Variants in CSMD2 observed in about 807,000 individuals in gnomAD.
CSMD2 encodes the protein CUB and sushi domain-containing protein 2.
In CSMD2, 130 loss-of-function variants were observed where a neutral mutation model predicts 398.5. That is an observed-to-expected ratio of 0.33 (90% CI 0.28 to 0.38). CSMD2 has a LOEUF of 0.38. Among genes scored for constraint, CSMD2 ranks in the 10% least tolerant of loss-of-function variants. CSMD2 has a pLI of 1.00. For synonymous variants in CSMD2, 1,828 were observed against 1,908.5 expected (o/e 0.96, Z 1.10); for missense variants, 3,829 against 4,764.9 (o/e 0.80, Z 5.78).
In CSMD2 at chr1:33,700,660, T is replaced by C; in HGVS notation, c.3590A>G (p.Asn1197Ser). 1.2e-6 allele frequency: 2 copies of C among 1,614,206 alleles called. No individual in the cohort carries two copies. The highest frequency in any genetic ancestry group is 8.5e-7 in the Non-Finnish European group (1 of 1,180,032). The part of the protein sequence containing the change: ...EGDVLKVYDG[N>S]NNSARLLGVF... ...TCCCAGCAAACGGGCGGAGTTGTTG[T>C]TGCCATCATAAACCTGGACACAGGA... The change falls in exon 23 of 71, where the codon AAC (asparagine) becomes AGC (serine). Residue 1197 changes from asparagine to serine, a missense_variant. Transcript: ENST00000373381.
rs2148917905 is a variant in CSMD2 at position 33,636,505 on chromosome 1, T to C, written c.4824A>G (p.Thr1608=). ...CCAGCTTCAGGTCGGACCCCACCCG[T>C]GTGCCGTTCTTGATGGAACCAGGAT... The part of the protein sequence containing the change: ...CFDPGSIKNG[T]RVGSDLKLGS... The change falls in exon 30 of 71, where the codon ACA becomes ACG. Residue 1608 remains threonine, a synonymous_variant. Coordinates refer to ENST00000373381, the MANE Select transcript of CSMD2 (RefSeq NM_001281956.2). This position sits in a 1 kb window ranked among gnomAD's most constrained non-coding sequence, Gnocchi z 4.8. 6.2e-7 allele frequency: 1 copy of C among 1,614,142 alleles called. No homozygotes were observed. Among genetic ancestry groups the C allele is most frequent in the Non-Finnish European group, 8.5e-7 (1 of 1,180,016 alleles).
intron 4 of CSMD2, among the ~76,000 whole-genome samples, chr1:33,919,372 G>A (rs1193655498): frequency 6.6e-6 from 1 of 152,212 alleles, no homozygotes; most frequent in Non-Finnish European, 1.5e-5. Context: ...CCAATGGTGA[G>A]ATCAGATTAA....
intron 12 of CSMD2, among the ~76,000 whole-genome samples, chr1:33,787,558 T>C (rs755853888): frequency 3.9e-5 from 6 of 152,204 alleles, no homozygotes; most frequent in Non-Finnish European, 7.4e-5. Context: ...ACTGGCACTG[T>C]CCAGGCAGCT....
rs144768852 is a variant in CSMD2 at position 33,636,682 on chromosome 1, G to A, written c.4775-128C>T. 2.7e-4 allele frequency: 187 copies of A among 692,994 alleles called. 2 individuals are homozygous for A. The highest frequency in any genetic ancestry group is 2.7e-3 in the African/African-American group (149 of 55,748). The allele number at this position is 692,994 out of a possible 1,614,324, so 42.9% of individuals were successfully genotyped here. ...ACAGAGCACACGGGGATGCGTGACTGTGGCTCCTATTCCCCTCAGGTCTAG... is the reference window on the plus strand; with the variant it reads ...ACAGAGCACACGGGGATGCGTGACTATGGCTCCTATTCCCCTCAGGTCTAG... On this transcript the variant is annotated intron_variant, in intron 29 of 70. Transcript: ENST00000373381. This position sits in a 1 kb window ranked among gnomAD's most constrained non-coding sequence, Gnocchi z 4.8.
intron 48 of CSMD2, among the ~76,000 whole-genome samples, chr1:33,579,681 A>T (rs12562510): frequency 3.5e-5 from 5 of 143,120 alleles, no homozygotes; most frequent in Non-Finnish European, 6.2e-5. Flanking sequence ...TTTTTTTTTA[A>T]TTTTTTTTTT....
chr1:33,545,962 TG>T, intron 57 of CSMD2, 74 bp downstream of exon 57: 1 of 1,442,140 alleles, frequency 6.9e-7, no homozygotes, highest in Non-Finnish European at 9.5e-7. Context: ...CGCAGGTGCC[TG>T]GGAATAAGAG....
At chr1:33,797,674 C>T (rs139530193) in intron 10 of CSMD2, among the ~76,000 whole-genome samples, 13 of 151,582 alleles carry the variant, frequency 8.6e-5, no homozygotes, top group Non-Finnish European at 1.5e-4. Flanking sequence ...TTTCTGGGTC[C>T]CAGCAGGGGG....
At chr1:33,669,043 T>C (rs1406245529) in intron 25 of CSMD2, among the ~76,000 whole-genome samples, 1 of 152,266 alleles carries the variant, frequency 6.6e-6, no homozygotes, top group Non-Finnish European at 1.5e-5. Flanking sequence ...TGTACATTGC[T>C]GAATATCCTC....
At position 34,165,118 on chromosome 1, in the gene CSMD2, G is replaced by C; in HGVS notation, c.-21C>G. 1 of 1,214,042 alleles carries C rather than the reference G, an allele frequency of 8.2e-7. No homozygotes were observed. Among genetic ancestry groups the C allele is most frequent in the Non-Finnish European group, 1.0e-6 (1 of 976,366 alleles). 75.2% of individuals were successfully genotyped at this position (1,214,042 alleles called of 1,614,324 possible). ...GGCATGGCGCGGCCGGCAGCGCCGA[G>C]GGAGAGGCTCCGCTCGCCGCCGAGG... On this transcript the variant is annotated 5_prime_UTR_variant, in exon 1 of 71. Coordinates refer to ENST00000373381, the MANE Select transcript of CSMD2 (RefSeq NM_001281956.2).
intron 1 of CSMD2, among the ~76,000 whole-genome samples, chr1:34,149,435 G>A (rs891132030): frequency 3.9e-5 from 6 of 152,114 alleles, no homozygotes; most frequent in Non-Finnish European, 8.8e-5. Context: ...CAACAGGCCC[G>A]AAGAAAACGG....
intron 9 of CSMD2, among the ~76,000 whole-genome samples, chr1:33,814,794 C>T (rs1194073655): frequency 6.6e-6 from 1 of 152,114 alleles, no homozygotes; most frequent in African/African-American, 2.4e-5. Context: ...ATTCCTTCCC[C>T]CACTGCCTGT....
intron 1 of CSMD2, among the ~76,000 whole-genome samples, chr1:34,107,838 G>A (rs1388176463): frequency 6.6e-6 from 1 of 152,152 alleles, no homozygotes; most frequent in Non-Finnish European, 1.5e-5. Flanking sequence ...GCAGAAAGGG[G>A]ACCACATGGG....
At chr1:34,066,563 A>C (rs1655135042) in intron 2 of CSMD2, among the ~76,000 whole-genome samples, 1 of 152,190 alleles carries the variant, frequency 6.6e-6, no homozygotes, top group African/African-American at 2.4e-5. Context: ...GGGAGCTGCT[A>C]AGGCCCTGGG....
intron 5 of CSMD2, among the ~76,000 whole-genome samples, chr1:33,875,848 T>C (rs960421584): frequency 1.3e-5 from 2 of 152,200 alleles, no homozygotes; most frequent in Non-Finnish European, 2.9e-5. Flanking sequence ...TTTTGAATAA[T>C]GTTCTTGTTT....
At chr1:33,707,793 A>C (rs1048378264) in intron 22 of CSMD2, among the ~76,000 whole-genome samples, 3 of 151,742 alleles carry the variant, frequency 2.0e-5, no homozygotes, top group African/African-American at 7.3e-5. Context: ...AAGAGTATCC[A>C]TCATCTGTAC....
At chr1:33,629,074 A>AC (rs1235602474) in intron 32 of CSMD2, among the ~76,000 whole-genome samples, 1 of 152,186 alleles carries the variant, frequency 6.6e-6, no homozygotes, top group South Asian at 2.1e-4. Context: ...TGAAAAAAAA[A>AC]AAAACAAAAC....
intron 15 of CSMD2, among the ~76,000 whole-genome samples, chr1:33,727,126 C>T (rs1022480070): frequency 1.3e-5 from 2 of 152,220 alleles, no homozygotes; most frequent in Non-Finnish European, 2.9e-5. Flanking sequence ...CCCTGCTTCA[C>T]TGTAAACTCC....
intron 3 of CSMD2, among the ~76,000 whole-genome samples, chr1:33,964,730 CT>C (rs1290753447): frequency 1.3e-5 from 2 of 152,090 alleles, no homozygotes; most frequent in Non-Finnish European, 2.9e-5. Flanking sequence ...GAAGTGAGGC[CT>C]TCCTGGCCCT....
chr1:33,918,049 A>G lies in CSMD2; in HGVS notation c.920+45T>C, dbSNP rs547719509. Reference sequence around the variant, plus strand: ...GACTGCAAGCATCCCAGTAATTCACAGTTGCAGAGAATAGGGTAGGAAAGG... The same window carrying G: ...GACTGCAAGCATCCCAGTAATTCACGGTTGCAGAGAATAGGGTAGGAAAGG... On this transcript the variant is annotated intron_variant, in intron 5 of 70. Coordinates refer to ENST00000373381, the MANE Select transcript of CSMD2 (RefSeq NM_001281956.2). The G allele has an allele frequency of 3.2e-6, 5 of 1,560,098 alleles. No individual in the cohort carries two copies. The South Asian group carries it at 5.6e-5, about 17-fold the overall frequency.
Sources: allele counts gnomAD v4.1 joint callset (sites outside exome capture counted in the v4.1 genomes callset), GRCh38; gene constraint gnomAD v4.1.1; non-coding constraint Gnocchi (gnomAD v3.1); transcripts MANE v1.5; gene names NCBI Gene and HGNC (gene_info 2026-07-23, HGNC 2026-07-21).